PRKCI: variants seen among roughly 807,000 people sequenced by gnomAD.
PRKCI encodes protein kinase C iota type.
Under a neutral mutation model 84.0 loss-of-function variants are expected in PRKCI, and 43 were observed. The observed-to-expected ratio is 0.51, with a 90% CI of 0.40 to 0.66. The LOEUF is 0.66. Ranked by LOEUF, PRKCI falls within the 30% of genes least tolerant of loss-of-function variation. The probability of loss-of-function intolerance (pLI) is 0.00; values close to 1 mark genes in which losing one functional copy is unlikely to be tolerated. For missense variants in PRKCI, 459 were observed against 745.6 expected (o/e 0.62, Z 4.48); for synonymous variants, 216 against 234.4 (o/e 0.92, Z 0.72).
chr3:170,293,280 A>G (rs1383826651), intron 13 of PRKCI, 103 bp from the exon 14 acceptor site: 2 of 1,178,944 alleles, frequency 1.7e-6, no homozygotes, highest in African/African-American at 3.1e-5. Flanking sequence ...TTTAGAGTTT[A>G]CTTTTTCATT....
intron 2 of PRKCI, among the ~76,000 whole-genome samples, chr3:170,251,716 C>T (rs1236593417): frequency 2.0e-5 from 3 of 151,406 alleles, no homozygotes; most frequent in Non-Finnish European, 4.4e-5. Context: ...TCAAGACCAG[C>T]CAGGCCAACA....
intron 9 of PRKCI, 47 bp downstream of exon 9, chr3:170,280,450 T>C: frequency 6.7e-7 from 1 of 1,496,510 alleles, no homozygotes; most frequent in Non-Finnish European, 9.0e-7. Flanking sequence ...GAGAATACTA[T>C]TCTTTTTTTT....
chr3:170,281,331 C>T, intron 10 of PRKCI, 68 bp downstream of exon 10: 2 of 1,247,994 alleles, frequency 1.6e-6, no homozygotes, highest in East Asian at 4.7e-5. Context: ...CAGTTAGAAC[C>T]TTTCTGCCCT....
chr3:170,284,786 G>C (rs1455476926), intron 12 of PRKCI, among the ~76,000 whole-genome samples, 190 bp downstream of exon 12: 1 of 152,074 alleles, frequency 6.6e-6, no homozygotes, highest in Non-Finnish European at 1.5e-5. Flanking sequence ...TCTGTGTTAT[G>C]TGTACTACAA....
At chr3:170,267,383 G>A (rs1398704868) in intron 4 of PRKCI, among the ~76,000 whole-genome samples, 3 of 151,912 alleles carry the variant, frequency 2.0e-5, no homozygotes, top group Non-Finnish European at 4.4e-5. Context: ...AAAAAGAAAA[G>A]CAGTAGTAGG....
intron 14 of PRKCI, among the ~76,000 whole-genome samples, 170 bp downstream of exon 14, chr3:170,293,678 G>A (rs1462187847): frequency 6.6e-6 from 1 of 152,110 alleles, no homozygotes; most frequent in African/African-American, 2.4e-5. Context: ...TTTGAGACAA[G>A]GTCTCACTCT....
intron 14 of PRKCI, among the ~76,000 whole-genome samples, chr3:170,293,911 C>T (rs1734631537): frequency 6.6e-6 from 1 of 152,164 alleles, no homozygotes; most frequent in Admixed American, 6.5e-5. Context: ...GAACTCCTGA[C>T]TTCAAGTGAT....
In PRKCI at chr3:170,304,634, C is replaced by T. The variant is rs1734911516; in HGVS notation, c.*1507C>T. ...TATTAACTAGATAACACATGTAATA[C>T]ATAGTAGAATACATTTCAGAGGCAG... On this transcript the variant is annotated 3_prime_UTR_variant, in exon 18 of 18. Transcript: ENST00000295797. The T allele has an allele frequency of 6.6e-6, 1 of 152,052 alleles. No homozygotes were observed. The highest frequency in any genetic ancestry group is 1.5e-5 in the Non-Finnish European group (1 of 67,998). 9.4% of individuals were successfully genotyped at this position (152,052 alleles called of 1,614,324 possible).
intron 4 of PRKCI, among the ~76,000 whole-genome samples, chr3:170,265,836 T>C (rs1029353498): frequency 1.3e-5 from 2 of 151,956 alleles, no homozygotes; most frequent in Non-Finnish European, 2.9e-5. Flanking sequence ...CTAGCCAGGA[T>C]GGTCTCAATC....
At chr3:170,275,368 C>T in intron 8 of PRKCI, 81 bp downstream of exon 8, 1 of 1,299,894 alleles carries the variant, frequency 7.7e-7, no homozygotes, top group South Asian at 1.9e-5. Flanking sequence ...ACATATTGAC[C>T]TGCTTAGACT....
chr3:170,289,810 G>A (rs959879143), intron 12 of PRKCI, among the ~76,000 whole-genome samples: 1 of 152,168 alleles, frequency 6.6e-6, no homozygotes, highest in Non-Finnish European at 1.5e-5. Context: ...TACTTGGGAG[G>A]CTGAGGCAGG....
At chr3:170,292,015 A>C in intron 13 of PRKCI, 74 bp downstream of exon 13, 1 of 996,930 alleles carries the variant, frequency 1.0e-6, no homozygotes. Context: ...ATTGCATTAC[A>C]GTACACTAAT....
chr3:170,224,778 C>T (rs551603137), intron 1 of PRKCI, among the ~76,000 whole-genome samples: 2 of 152,336 alleles, frequency 1.3e-5, no homozygotes, highest in African/African-American at 4.8e-5. Context: ...CTCGTCTTGG[C>T]TTCCCAAATT....
At chr3:170,260,965 G>GT (rs1473695611) in intron 3 of PRKCI, among the ~76,000 whole-genome samples, 2 of 151,304 alleles carry the variant, frequency 1.3e-5, no homozygotes, top group Non-Finnish European at 3.0e-5. Flanking sequence ...TTTTTTGTTT[G>GT]TTTTTTTGAG....
intron 11 of PRKCI, among the ~76,000 whole-genome samples, chr3:170,282,851 A>T (rs1416538821): frequency 1.3e-5 from 2 of 152,066 alleles, no homozygotes; most frequent in Non-Finnish European, 2.9e-5. Flanking sequence ...TCATGCCTGT[A>T]ATCCCAGCAC....
At chr3:170,287,018 C>A (rs1168585089) in intron 12 of PRKCI, among the ~76,000 whole-genome samples, 1 of 151,856 alleles carries the variant, frequency 6.6e-6, no homozygotes, top group Non-Finnish European at 1.5e-5. Flanking sequence ...GGAAAGCAAG[C>A]CACCACGCCC....
chr3:170,228,202 A>G (rs770463058), intron 1 of PRKCI, among the ~76,000 whole-genome samples: 1 of 152,174 alleles, frequency 6.6e-6, no homozygotes, highest in African/African-American at 2.4e-5. Flanking sequence ...CAGCTAACCT[A>G]TGTAGGAATG....
At chr3:170,251,639 G>A (rs905049081) in intron 2 of PRKCI, among the ~76,000 whole-genome samples, 2 of 152,186 alleles carry the variant, frequency 1.3e-5, no homozygotes, top group African/African-American at 4.8e-5. Flanking sequence ...GCCAGGTGTG[G>A]TGGCTCACAC....
intron 2 of PRKCI, among the ~76,000 whole-genome samples, chr3:170,239,348 C>G (rs185724262): frequency 9.2e-5 from 14 of 152,254 alleles, no homozygotes; most frequent in African/African-American, 3.4e-4. Context: ...GAAAATGAGA[C>G]TATATATAAT....
Sources: allele counts gnomAD v4.1 joint callset (sites outside exome capture counted in the v4.1 genomes callset), GRCh38; gene constraint gnomAD v4.1.1; transcripts MANE v1.5; gene names NCBI Gene and HGNC (gene_info 2026-07-23, HGNC 2026-07-21).